Variants in PATE2 observed in about 807,000 individuals in gnomAD.
PATE2 encodes prostate and testis expressed 2, also known as prostate and testis expressed protein 2.
In PATE2, 7 loss-of-function variants were observed where a neutral mutation model predicts 10.5. The ratio of observed to expected loss-of-function variants is 0.66; its 90% CI spans 0.38 to 1.25. PATE2 has a LOEUF of 1.25. Ranked by LOEUF, PATE2 falls within the 50% of genes most tolerant of loss-of-function variation. The pLI is 0.02. For synonymous variants in PATE2, 44 were observed against 46.9 expected, an observed-to-expected ratio of 0.94 and a Z score of 0.25; for missense variants, 133 against 135.4, an observed-to-expected ratio of 0.98 and a Z score of 0.09.
chr11:125,777,415 A>G lies in PATE2; in HGVS notation c.309T>C (p.His103=). The G allele has an allele frequency of 6.2e-7, 1 of 1,613,766 alleles. No homozygotes were observed. The highest frequency in any genetic ancestry group is 8.5e-7 in the Non-Finnish European group (1 of 1,179,776). The change falls in exon 4 of 4, where the codon CAT becomes CAC. Residue 103 remains histidine, a synonymous_variant. Transcript: ENST00000358524. ...TKRVELICCD[H]SNYCNLPEGV ...CCTCAGGGAGGTTGCAGTAGTTACTATGATCACAACAGATGAGCTCTACCC... is the reference window on the plus strand; with the variant it reads ...CCTCAGGGAGGTTGCAGTAGTTACTGTGATCACAACAGATGAGCTCTACCC...
rs1192979431 is a variant in PATE2 at position 125,777,888 on chromosome 11, A to G, written c.191T>C (p.Ile64Thr). 6.2e-7 allele frequency: 1 copy of G among 1,613,168 alleles called. No homozygotes were observed. The highest frequency in any genetic ancestry group is 1.3e-5 in the African/African-American group (1 of 74,874). The change falls in exon 3 of 4, where the codon ATC becomes ACC. Residue 64 changes from isoleucine to threonine, a missense_variant. Ile to Thr is a moderately conservative substitution (Grantham distance 89). Transcript: ENST00000358524. ...KQSCAVENFYILTRKGQSMYH... is the reference protein window; with the variant it reads ...KQSCAVENFYTLTRKGQSMYH... ...CTCCACATTACCTTTCCTTGTAAGG[A>G]TGTAAAAGTTCTCAACTGCACAGGA...
intron 3 of PATE2, 142 bp from the exon 4 acceptor site, chr11:125,777,660 AC>A (rs1943498741): frequency 1.7e-6 from 2 of 1,205,094 alleles, no homozygotes; most frequent in Admixed American, 4.7e-5. Context: ...TTAATTGCTG[AC>A]CCAGAGAGTA....
chr11:125,778,705 C>G lies in PATE2; in HGVS notation c.52+17G>C. The G allele has an allele frequency of 1.2e-6, 2 of 1,613,600 alleles. No homozygotes were observed. The highest frequency in any genetic ancestry group is 1.7e-6 in the Non-Finnish European group (2 of 1,179,692). On this transcript the variant is annotated intron_variant, in intron 1 of 3. Transcript: ENST00000358524. Reference sequence around the variant, plus strand: ...TCTTAACCAACCACCAGCTTCCCCTCTGTCTCCAGGACTTACCCCAATATG... The same window carrying G: ...TCTTAACCAACCACCAGCTTCCCCTGTGTCTCCAGGACTTACCCCAATATG...
chr11:125,777,134 A>T lies in PATE2; in HGVS notation c.*248T>A. The T allele has an allele frequency of 2.3e-6, 1 of 429,660 alleles. No individual in the cohort carries two copies. Among genetic ancestry groups the T allele is most frequent in the Non-Finnish European group, 4.2e-6 (1 of 236,420 alleles). The allele number at this position is 429,660 out of a possible 1,614,324, so 26.6% of individuals were successfully genotyped here. A position where few individuals can be genotyped will look rare whatever the true frequency, so the allele number is the denominator to read the frequency against. On this transcript the variant is annotated 3_prime_UTR_variant, in exon 4 of 4. Transcript: ENST00000358524. ...GTCTGAGCTTATTCATGGCAGTATCACGTAAGGAGAGCAAAACCCCTCCCA... is the reference window on the plus strand; with the variant it reads ...GTCTGAGCTTATTCATGGCAGTATCTCGTAAGGAGAGCAAAACCCCTCCCA...
Position 125,778,791 on chromosome 11 carries a change from G to T in PATE2, c.-18C>A. 1 of 1,613,278 alleles carries T rather than the reference G, an allele frequency of 6.2e-7. No individual in the cohort carries two copies. Among genetic ancestry groups the T allele is most frequent in the East Asian group, 2.2e-5 (1 of 44,862 alleles). On this transcript the variant is annotated 5_prime_UTR_variant, in exon 1 of 4. Transcript: ENST00000358524. ...ACAAGCATCCTGGAGCTTCTGTCAGGTGCAGCTTCCTGTGGAAGGAGCAAG... is the reference window on the plus strand; with the variant it reads ...ACAAGCATCCTGGAGCTTCTGTCAGTTGCAGCTTCCTGTGGAAGGAGCAAG...
At position 125,778,035 on chromosome 11, in the gene PATE2, G is replaced by T. The variant is rs142659566; in HGVS notation, c.77-33C>A. 2,468 of 1,606,088 alleles carry T rather than the reference G, an allele frequency of 1.5e-3. 30 individuals are homozygous for T. The African/African-American group carries it at 0.024, about 15-fold the overall frequency. On this transcript the variant is annotated intron_variant, in intron 2 of 3. Transcript: ENST00000358524. ...ATACAAAAAGAGGTGCTTAGAGGAT[G>T]CAGTCTTGAGAATATTCTCTGGGGC...
rs778232669 is a variant in PATE2, at chr11:125,777,973, T to A, written c.106A>T (p.Lys36Ter). The A allele has an allele frequency of 4.2e-5, 67 of 1,613,182 alleles. No individual in the cohort carries two copies. Among genetic ancestry groups the A allele is most frequent in the Non-Finnish European group, 5.5e-5 (65 of 1,179,478 alleles). The change falls in exon 3 of 4, where the codon AAA becomes TAA. Residue 36 changes from lysine to a stop codon, truncating the protein, a stop_gained. Coordinates refer to ENST00000358524, the MANE Select transcript of PATE2 (RefSeq NM_212555.3). LOFTEE classifies it high-confidence loss of function. ...CCATAGCATAACCCAAGATGATATT[T>A]TTTACATTCATAACACATTATTTCA... ...ATEIMCYECK[K>*]YHLGLCYGVM...
Position 125,777,858 on chromosome 11 carries a change from C to CTA in PATE2, c.205+14_205+15dup. On this transcript the variant is annotated intron_variant, in intron 3 of 3. Transcript: ENST00000358524. ...TGGTGGTGGTGATTTTCCAGTCACT[C>CTA]TATACTCCACATTACCTTTCCTTGT... 1 of 1,612,162 alleles carries CTA rather than the reference C, an allele frequency of 6.2e-7. No homozygotes were observed. The highest frequency in any genetic ancestry group is 8.5e-7 in the Non-Finnish European group (1 of 1,179,012).
Position 125,777,999 on chromosome 11 carries a change from G to T in PATE2, c.80C>A (p.Thr27Asn), listed in dbSNP as rs771654670. 3.1e-6 allele frequency: 5 copies of T among 1,612,650 alleles called. No individual in the cohort carries two copies. The highest frequency in any genetic ancestry group is 4.2e-6 in the Non-Finnish European group (5 of 1,179,322). ...WGELHDPIKATEIMCYECKKY... is the reference protein window; with the variant it reads ...WGELHDPIKANEIMCYECKKY... ...TTTACATTCATAACACATTATTTCA[G>T]TCGCTGCCAGATACAAAAAGAGGTG... Residue 27 changes from threonine to asparagine, a missense_variant, in exon 3 of 4, where the codon ACT (threonine) becomes AAT (asparagine). Coordinates refer to ENST00000358524, the MANE Select transcript of PATE2 (RefSeq NM_212555.3).
At position 125,777,461 on chromosome 11, in the gene PATE2, T is replaced by C. The variant is rs1401238121; in HGVS notation, c.263A>G (p.Asn88Ser). Residue 88 changes from asparagine to serine, a missense_variant, in exon 4 of 4, where the codon AAC becomes AGC. Coordinates refer to ENST00000358524, the MANE Select transcript of PATE2 (RefSeq NM_212555.3). ...TACCCTCTTCGTGAACCCCAGGAAG[T>C]TGATGTCCTCACAGCTGGTCATACA... is the stretch of plus-strand genomic sequence containing the variant. Reference protein sequence around the residue: ...LSCMTSCEDINFLGFTKRVEL... With the variant: ...LSCMTSCEDISFLGFTKRVEL... 6.2e-7 allele frequency: 1 copy of C among 1,613,574 alleles called. No individual in the cohort carries two copies. The highest frequency in any genetic ancestry group is 1.3e-5 in the African/African-American group (1 of 74,856).
At chr11:125,778,102 C>T in intron 2 of PATE2, 100 bp from the exon 3 acceptor site, 1 of 1,349,814 alleles carries the variant, frequency 7.4e-7, no homozygotes, top group East Asian at 2.3e-5. Context: ...CTAGTGGTTC[C>T]TAACATTTTT....
In PATE2 at chr11:125,777,344, G is replaced by C; in HGVS notation, c.*38C>G. On this transcript the variant is annotated 3_prime_UTR_variant, in exon 4 of 4. Coordinates refer to ENST00000358524, the MANE Select transcript of PATE2 (RefSeq NM_212555.3). ...TCAGGGAAGAGAAAAAGAGCGTAGT[G>C]GTTGAAAAAGAACCCAAAATCCAGG... 1.2e-6 allele frequency: 2 copies of C among 1,604,682 alleles called. No homozygotes were observed. Among genetic ancestry groups the C allele is most frequent in the South Asian group, 2.2e-5 (2 of 90,574 alleles).
chr11:125,778,083 T>C, intron 2 of PATE2, 81 bp from the exon 3 acceptor site: 1 of 1,465,772 alleles, frequency 6.8e-7, no homozygotes, highest in Non-Finnish European at 9.3e-7. Flanking sequence ...TACAGGACCT[T>C]ATTCTTGCCT....
chr11:125,777,247 GC>G lies in PATE2; in HGVS notation c.*134del, dbSNP rs1943492968. 1.9e-6 allele frequency: 2 copies of G among 1,076,358 alleles called. No individual in the cohort carries two copies. Among genetic ancestry groups the G allele is most frequent in the Non-Finnish European group, 2.7e-6 (2 of 752,674 alleles). 66.7% of individuals were successfully genotyped at this position (1,076,358 alleles called of 1,614,324 possible). ...GTCCACACTGCGTCTCCTTATGCCT[GC>G]TTGTCTTTTCACTATGAGCTGGCTT... On this transcript the variant is annotated 3_prime_UTR_variant, in exon 4 of 4. Coordinates refer to ENST00000358524, the MANE Select transcript of PATE2 (RefSeq NM_212555.3).
rs1943485118 is a variant in PATE2 at position 125,776,525 on chromosome 11, T to C, written c.*857A>G. On this transcript the variant is annotated 3_prime_UTR_variant, in exon 4 of 4. Coordinates refer to ENST00000358524, the MANE Select transcript of PATE2 (RefSeq NM_212555.3). ...CCTCTTACACAGGGCACTCTGTTAC[T>C]TGAACACTACCTCATGGTATCTATT... The C allele has an allele frequency of 6.6e-6, 1 of 152,242 alleles. No individual in the cohort carries two copies. Among genetic ancestry groups the C allele is most frequent in the African/African-American group, 2.4e-5 (1 of 41,452 alleles). 9.4% of individuals were successfully genotyped at this position (152,242 alleles called of 1,614,324 possible). A position where few individuals can be genotyped will look rare whatever the true frequency, so the allele number is the denominator to read the frequency against.
intron 2 of PATE2, 83 bp from the exon 3 acceptor site, chr11:125,778,085 T>C (rs1943504280): frequency 1.4e-6 from 2 of 1,470,094 alleles, no homozygotes; most frequent in Non-Finnish European, 1.9e-6. Context: ...CAGGACCTTA[T>C]TCTTGCCTAG....
chr11:125,776,492 C>G lies in PATE2; in HGVS notation c.*890G>C, dbSNP rs1489873032. ...ACCTTTCTCACACTTTCTGCAAACT[C>G]ATAACTTCCTCTTACACAGGGCACT... is the stretch of plus-strand genomic sequence containing the variant. On this transcript the variant is annotated 3_prime_UTR_variant, in exon 4 of 4. Transcript: ENST00000358524. 6.6e-6 allele frequency: 1 copy of G among 152,292 alleles called. No homozygotes were observed. Among genetic ancestry groups the G allele is most frequent in the Non-Finnish European group, 1.5e-5 (1 of 68,096 alleles). 9.4% of individuals were successfully genotyped at this position (152,292 alleles called of 1,614,324 possible). A position where few individuals can be genotyped will look rare whatever the true frequency, so the allele number is the denominator to read the frequency against.
chr11:125,778,742 AAG>A lies in PATE2; in HGVS notation c.30_31del (p.Phe11SerfsTer8). The A allele has an allele frequency of 6.2e-7, 1 of 1,613,602 alleles. No homozygotes were observed. The highest frequency in any genetic ancestry group is 1.3e-5 in the African/African-American group (1 of 75,010). ...CTTACCCCAATATGGGCAGAGCAGA[AAG>A]ACTGTGCCCAGGAGAAAGAGAACAA... is the stretch of plus-strand genomic sequence containing the variant. On this transcript the variant is annotated frameshift_variant, in exon 1 of 4. Transcript: ENST00000358524. LOFTEE classifies it high-confidence loss of function.
rs1259825380 is a variant in PATE2 at position 125,776,667 on chromosome 11, C to T, written c.*715G>A. 2.0e-5 allele frequency: 3 copies of T among 152,212 alleles called. No homozygotes were observed. Among genetic ancestry groups the T allele is most frequent in the Non-Finnish European group, 2.9e-5 (2 of 68,054 alleles). 9.4% of individuals were successfully genotyped at this position (152,212 alleles called of 1,614,324 possible). ...TTAAAAAAACACTCTGTTCCCAATC[C>T]AATCACCTAGTTCAACCATGTGCCC... On this transcript the variant is annotated 3_prime_UTR_variant, in exon 4 of 4. Transcript: ENST00000358524.
Sources: allele counts gnomAD v4.1 joint callset, GRCh38; gene constraint gnomAD v4.1.1; transcripts MANE v1.5; gene names NCBI Gene and HGNC (gene_info 2026-07-23, HGNC 2026-07-21).